FAM135A: variants seen among roughly 807,000 people sequenced by gnomAD.
The protein encoded by FAM135A is protein FAM135A.
A neutral mutation model predicts 146.8 loss-of-function variants in FAM135A; 79 were observed. The observed-to-expected ratio is 0.54, with a 90% CI of 0.45 to 0.65. The LOEUF (loss-of-function observed/expected upper bound fraction) is 0.65. Ranked by LOEUF, FAM135A falls within the 30% of genes least tolerant of loss-of-function variation. The probability of loss-of-function intolerance (pLI) is 0.00; values close to 1 mark genes in which losing one functional copy is unlikely to be tolerated. For synonymous variants in FAM135A, 562 were observed against 603.6 expected, an observed-to-expected ratio of 0.93 and a Z score of 1.01; for missense variants, 1,623 against 1,758.2, an observed-to-expected ratio of 0.92 and a Z score of 1.38.
chr6:70,451,686 A>G (rs1166988379), intron 4 of FAM135A, among the ~76,000 whole-genome samples: 1 of 152,096 alleles, frequency 6.6e-6, no homozygotes, highest in African/African-American at 2.4e-5. Flanking sequence ...TCTTTGCCTT[A>G]TTTGCAAATT....
chr6:70,502,694 G>T lies in FAM135A; in HGVS notation c.932G>T (p.Cys311Phe). ...ELINMNLAQL[C>F]SLLMALWGQF... ...ATAAATATGAATCTTGCGCAACTTT[G>T]CTCACTTTTGATGGCTTTATGGGGA... Residue 311 changes from cysteine to phenylalanine, a missense_variant, in exon 12 of 22, where the codon TGC becomes TTC. Cys to Phe is a radical substitution (Grantham distance 205). Around this residue, in one of 7 missense-constraint regions of FAM135A, gnomAD observed 206 missense variants for 194.7 expected, o/e 1.06. Transcript: ENST00000418814. 4 of 1,613,294 alleles carry T rather than the reference G, an allele frequency of 2.5e-6. No individual in the cohort carries two copies. The highest frequency in any genetic ancestry group is 1.7e-4 in the Middle Eastern group (1 of 6,048).
chr6:70,472,360 T>C (rs937161445), intron 5 of FAM135A, among the ~76,000 whole-genome samples: 1 of 152,184 alleles, frequency 6.6e-6, no homozygotes, highest in African/African-American at 2.4e-5. Flanking sequence ...CCTTTAAGTA[T>C]ATGTTTCCCG....
intron 11 of FAM135A, among the ~76,000 whole-genome samples, chr6:70,497,340 T>G (rs566214752): frequency 2.0e-5 from 3 of 152,198 alleles, no homozygotes; most frequent in Non-Finnish European, 4.4e-5. Context: ...ATTTCCACAT[T>G]GAGTTTGTAT....
At chr6:70,536,487 A>T (rs1342164858) in intron 19 of FAM135A, 76 bp downstream of exon 19, 1 of 1,231,408 alleles carries the variant, frequency 8.1e-7, no homozygotes, top group East Asian at 2.9e-5. Context: ...TCTGGTGTTT[A>T]TTTTAGAACC....
At chr6:70,506,582 A>G (rs985386088) in intron 12 of FAM135A, among the ~76,000 whole-genome samples, 2 of 152,084 alleles carry the variant, frequency 1.3e-5, no homozygotes, top group African/African-American at 4.8e-5. Flanking sequence ...TTATAAAGCT[A>G]AGAGGAGAGT....
intron 8 of FAM135A, among the ~76,000 whole-genome samples, chr6:70,480,527 A>G (rs181418543): frequency 3.2e-4 from 48 of 152,280 alleles, no homozygotes; most frequent in Non-Finnish European, 5.1e-4. Flanking sequence ...AATAGCATTC[A>G]TATTTCATTA....
In FAM135A at chr6:70,454,991, A is replaced by G. The variant is rs369979584; in HGVS notation, c.157+2420A>G. Among the ~76,000 whole-genome samples, 1,136 of 152,166 alleles carry G rather than the reference A, an allele frequency of 7.5e-3. 24 individuals carry two copies. Among genetic ancestry groups the G allele is most frequent in the South Asian group, 0.067 (322 of 4,816 alleles). ...GAAAGTCATTGTTAGCTTGATGGGG[A>G]TGGCATTGAATCTATAAATTACCTT... On this transcript the variant is annotated intron_variant, in intron 5 of 21. Coordinates refer to ENST00000418814, the MANE Select transcript of FAM135A (RefSeq NM_001162529.3).
intron 4 of FAM135A, among the ~76,000 whole-genome samples, chr6:70,435,357 G>A (rs1258870908): frequency 1.3e-5 from 2 of 151,684 alleles, no homozygotes; most frequent in African/African-American, 2.4e-5. Context: ...CGCCCTCCTC[G>A]GCCTCCCAAA....
rs1331414131 is a variant in FAM135A, at chr6:70,426,421, T to A, written c.-133-18T>A. The A allele has an allele frequency of 2.0e-5, 3 of 152,204 alleles. No homozygotes were observed. Among genetic ancestry groups the A allele is most frequent in the Non-Finnish European group, 2.9e-5 (2 of 68,032 alleles). 9.4% of individuals were successfully genotyped at this position (152,204 alleles called of 1,614,324 possible). A position where few individuals can be genotyped will look rare whatever the true frequency, so the allele number is the denominator to read the frequency against. ...ATGTCTACTATTTGGTTTGAGATGT[T>A]ACTTTTTTTTCTCATAGGGGGAACG... On this transcript the variant is annotated intron_variant, in intron 2 of 21. Transcript: ENST00000418814.
chr6:70,450,790 T>TTAGTGCAG (rs1367795077), intron 4 of FAM135A, among the ~76,000 whole-genome samples: 4 of 139,238 alleles, frequency 2.9e-5, no homozygotes, highest in Admixed American at 1.5e-4. Flanking sequence ...TCTCAGGCTG[T>TTAGTGCAG]TAGTGCAGTG....
intron 2 of FAM135A, among the ~76,000 whole-genome samples, chr6:70,421,556 A>G (rs1041175663): frequency 1.3e-5 from 2 of 152,212 alleles, no homozygotes; most frequent in Admixed American, 6.5e-5. Context: ...AGAGAAATCA[A>G]ATCCCTTCTT....
intron 15 of FAM135A, 74 bp downstream of exon 15, chr6:70,526,772 C>T (rs1393443002): frequency 3.0e-5 from 18 of 610,146 alleles, no homozygotes; most frequent in African/African-American, 1.8e-4. Flanking sequence ...CACATACACA[C>T]ACACACACAC....
Position 70,542,053 on chromosome 6 carries a change from CACTT to C in FAM135A, c.4228+3653_4228+3656del. 2.6e-5 allele frequency among the ~76,000 whole-genome samples: 4 copies of C among 152,308 alleles called. No homozygotes were observed. In the East Asian group the frequency reaches 7.7e-4, roughly 29 times the overall value. On this transcript the variant is annotated intron_variant, in intron 20 of 21. Transcript: ENST00000418814. ...ATGTATACCCCCTTCTCCCCATTCT[CACTT>C]CCTCGTTAGACGAAATGATCATCCA...
chr6:70,477,379 T>A lies in FAM135A; in HGVS notation c.542+47T>A, dbSNP rs761241763. ...GTATTAAGCCATTCTTACACTGCAA[T>A]AAAGAAATACCTGAGACTGGTCAAT... On this transcript the variant is annotated intron_variant, in intron 8 of 21. Transcript: ENST00000418814. 2.5e-6 allele frequency: 4 copies of A among 1,574,408 alleles called. No homozygotes were observed. The African/African-American group carries it at 5.4e-5, about 21-fold the overall frequency.
At chr6:70,540,743 T>G (rs926023758) in intron 20 of FAM135A, among the ~76,000 whole-genome samples, 1 of 152,224 alleles carries the variant, frequency 6.6e-6, no homozygotes, top group Non-Finnish European at 1.5e-5. Flanking sequence ...TGTTTTTCTA[T>G]CCTAGTCATC....
chr6:70,536,934 A>AT (rs780326510), intron 19 of FAM135A, among the ~76,000 whole-genome samples: 5,776 of 128,908 alleles, frequency 0.045, 247 homozygotes, highest in African/African-American at 0.1. Flanking sequence ...TGGTACTTTG[A>AT]TTTTTTTTTT....
intron 10 of FAM135A, among the ~76,000 whole-genome samples, chr6:70,490,043 C>T (rs1354691376): frequency 6.6e-6 from 1 of 152,120 alleles, no homozygotes; most frequent in Non-Finnish European, 1.5e-5. Flanking sequence ...TGTGTTTTTA[C>T]CACATAATTG....
At chr6:70,465,533 C>T (rs1780287454) in intron 5 of FAM135A, among the ~76,000 whole-genome samples, 3 of 152,194 alleles carry the variant, frequency 2.0e-5, no homozygotes, top group African/African-American at 7.2e-5. Flanking sequence ...AGTCCTCCTA[C>T]CTCAGCCCCA....
intron 12 of FAM135A, among the ~76,000 whole-genome samples, chr6:70,518,592 ACT>A (rs1294708189): frequency 2.0e-5 from 3 of 151,994 alleles, no homozygotes; most frequent in South Asian, 2.1e-4. Flanking sequence ...GGGCAGGCTG[ACT>A]CTCTTGTTAG....
Sources: gnomAD v4.1 joint callset for allele counts (sites outside exome capture counted in the v4.1 genomes callset) on GRCh38, gnomAD v4.1.1 for gene constraint, gnomAD v4.1.1 regional missense constraint, MANE v1.5 for transcripts, NCBI Gene and HGNC (gene_info 2026-07-23, HGNC 2026-07-21) for gene names.